The following KCNMB4 variants were observed in gnomAD, a reference collection of about 807,000 sequenced individuals.
The protein encoded by KCNMB4 is potassium calcium-activated channel subfamily M regulatory beta subunit 4, also known as calcium-activated potassium channel subunit beta-4.
A neutral mutation model predicts 20.7 loss-of-function variants in KCNMB4; 3 were observed. The ratio of observed to expected loss-of-function variants is 0.14; its 90% CI spans 0.07 to 0.37. The LOEUF is 0.37. KCNMB4 is among the 10% of genes least tolerant of loss of function. The pLI, the probability that KCNMB4 is intolerant of heterozygous loss-of-function variation, is 1.00. For missense variants in KCNMB4, 168 were observed against 265.9 expected, an observed-to-expected ratio of 0.63 and a Z score of 2.56; for synonymous variants, 110 against 113.4, an observed-to-expected ratio of 0.97 and a Z score of 0.19.
At chr12:70,430,440 A>G in intron 2 of KCNMB4, 45 bp from the exon 3 acceptor site, 1 of 1,603,012 alleles carries the variant, frequency 6.2e-7, no homozygotes, top group Non-Finnish European at 8.5e-7. Context: ...TTCAGTGCCA[A>G]GGCATTTGAC....
intron 1 of KCNMB4, among the ~76,000 whole-genome samples, chr12:70,379,578 G>A (rs1173241183): frequency 1.3e-5 from 2 of 152,058 alleles, no homozygotes; most frequent in Admixed American, 6.6e-5. Context: ...TACCACACCT[G>A]GCTAATGTTT....
chr12:70,424,990 T>C (rs1442434643), intron 2 of KCNMB4, among the ~76,000 whole-genome samples: 2 of 152,184 alleles, frequency 1.3e-5, no homozygotes, highest in East Asian at 3.9e-4. Context: ...CCAACACTTT[T>C]CTCAGTTAAT....
In KCNMB4 at chr12:70,433,214, C is replaced by A. The variant is rs192438359; in HGVS notation, c.*2561C>A. 6.6e-6 allele frequency: 1 copy of A among 152,080 alleles called. No individual in the cohort carries two copies. The highest frequency in any genetic ancestry group is 1.5e-5 in the Non-Finnish European group (1 of 68,012). The allele number at this position is 152,080 out of a possible 1,614,324, so 9.4% of individuals were successfully genotyped here. A position where few individuals can be genotyped will look rare whatever the true frequency, so the allele number is the denominator to read the frequency against. On this transcript the variant is annotated 3_prime_UTR_variant, in exon 3 of 3. Transcript: ENST00000258111. ...AGCTTACCTTCTTAATGTTTTCATT[C>A]TCTTTTTGTATAAATCAGAAAATGA...
At chr12:70,372,211 T>C (rs761759520) in intron 1 of KCNMB4, among the ~76,000 whole-genome samples, 3 of 152,006 alleles carry the variant, frequency 2.0e-5, no homozygotes, top group Non-Finnish European at 4.4e-5. Flanking sequence ...AGGTGGACAG[T>C]GGGAAATGAG....
intron 1 of KCNMB4, among the ~76,000 whole-genome samples, chr12:70,385,899 C>T (rs1408695787): frequency 6.6e-6 from 1 of 152,132 alleles, no homozygotes; most frequent in Non-Finnish European, 1.5e-5. Flanking sequence ...CGAACTACAA[C>T]TGTAAATGTT....
At chr12:70,392,495 A>G (rs1868307912) in intron 1 of KCNMB4, among the ~76,000 whole-genome samples, 1 of 152,248 alleles carries the variant, frequency 6.6e-6, no homozygotes, top group Non-Finnish European at 1.5e-5. Context: ...TGTATACCCA[A>G]AGGATTATAA....
At chr12:70,386,789 C>T (rs1198562206) in intron 1 of KCNMB4, among the ~76,000 whole-genome samples, 3 of 152,004 alleles carry the variant, frequency 2.0e-5, no homozygotes, top group African/African-American at 7.2e-5. Context: ...CTAGAAACTT[C>T]TATAATGTTT....
intron 2 of KCNMB4, among the ~76,000 whole-genome samples, chr12:70,419,885 G>A (rs1450804739): frequency 6.6e-6 from 1 of 151,784 alleles, no homozygotes; most frequent in Non-Finnish European, 1.5e-5. Context: ...GGAAATAGTG[G>A]AGATCTACCT....
At chr12:70,405,727 A>G (rs1868581838) in intron 2 of KCNMB4, among the ~76,000 whole-genome samples, 1 of 152,194 alleles carries the variant, frequency 6.6e-6, no homozygotes, top group South Asian at 2.1e-4. Context: ...CACAATAGCC[A>G]AGATGTGGAA....
At chr12:70,404,283 T>C (rs969471929) in intron 2 of KCNMB4, among the ~76,000 whole-genome samples, 5 of 152,106 alleles carry the variant, frequency 3.3e-5, no homozygotes, top group African/African-American at 1.2e-4. Context: ...TGAGTAGACC[T>C]TTTGAGTTAG....
At chr12:70,367,265 G>A (rs760194449) in intron 1 of KCNMB4, among the ~76,000 whole-genome samples, 195 bp downstream of exon 1, 34 of 152,146 alleles carry the variant, frequency 2.2e-4, no homozygotes, top group Non-Finnish European at 4.3e-4. Flanking sequence ...GTGGGTTTAC[G>A]CGCGGCGACC....
chr12:70,413,831 A>T (rs564604438), intron 2 of KCNMB4, among the ~76,000 whole-genome samples: 3 of 152,298 alleles, frequency 2.0e-5, no homozygotes, highest in African/African-American at 7.2e-5. Context: ...GAAATACCTA[A>T]AATAGGCAAA....
chr12:70,394,151 C>T (rs1868328900), intron 1 of KCNMB4, among the ~76,000 whole-genome samples: 1 of 152,102 alleles, frequency 6.6e-6, no homozygotes, highest in African/African-American at 2.4e-5. Context: ...TCTTTGTTTC[C>T]TATGCAGTAC....
chr12:70,388,006 C>T (rs536664019), intron 1 of KCNMB4, among the ~76,000 whole-genome samples: 1 of 152,246 alleles, frequency 6.6e-6, no homozygotes, highest in South Asian at 2.1e-4. Context: ...TGGTAACCAT[C>T]CTTCTACTCT....
intron 1 of KCNMB4, among the ~76,000 whole-genome samples, chr12:70,393,355 A>G (rs1868317483): frequency 6.6e-6 from 1 of 152,054 alleles, no homozygotes; most frequent in Non-Finnish European, 1.5e-5. Flanking sequence ...GGCTCCTGCC[A>G]CCATGCCTAG....
intron 2 of KCNMB4, among the ~76,000 whole-genome samples, chr12:70,426,681 A>T (rs1029043141): frequency 9.9e-5 from 15 of 152,220 alleles, no homozygotes; most frequent in Admixed American, 6.5e-5. Context: ...GGGGAAACTA[A>T]TCTTTTTTAC....
intron 2 of KCNMB4, among the ~76,000 whole-genome samples, chr12:70,426,289 G>A (rs1302052678): frequency 5.5e-5 from 8 of 146,702 alleles, no homozygotes; most frequent in African/African-American, 1.0e-4. Context: ...GCGAGATTCC[G>A]TCTCAAAAAA....
At chr12:70,397,417 C>G (rs1868364012) in intron 1 of KCNMB4, among the ~76,000 whole-genome samples, 1 of 152,162 alleles carries the variant, frequency 6.6e-6, no homozygotes, top group Non-Finnish European at 1.5e-5. Flanking sequence ...GTATAGATCA[C>G]TTAATCTATG....
chr12:70,404,836 GA>G (rs1375866891), intron 2 of KCNMB4, among the ~76,000 whole-genome samples: 1 of 152,208 alleles, frequency 6.6e-6, no homozygotes, highest in Non-Finnish European at 1.5e-5. Flanking sequence ...TTAAGTTGAG[GA>G]GCAAGAGGTC....
Sources: allele counts gnomAD v4.1 joint callset (sites outside exome capture counted in the v4.1 genomes callset), GRCh38; gene constraint gnomAD v4.1.1; transcripts MANE v1.5; gene names NCBI Gene and HGNC (gene_info 2026-07-23, HGNC 2026-07-21).